The following RSU1 variants were observed in gnomAD, a reference collection of about 807,000 sequenced individuals.
RSU1 encodes rsu-1.
A neutral mutation model predicts 31.1 loss-of-function variants in RSU1; 26 were observed. The observed-to-expected ratio is 0.84, with a 90% CI of 0.61 to 1.16. RSU1 has a LOEUF of 1.16. Among genes scored for constraint, RSU1 ranks in the 50% most tolerant of loss-of-function variants. RSU1 has a pLI of 0.00. For synonymous variants in RSU1, 164 were observed against 136.3 expected (o/e 1.20, Z -1.41); for missense variants, 320 against 339.1 (o/e 0.94, Z 0.44).
In RSU1 at chr10:16,679,434, C is replaced by A. The variant is rs567982742; in HGVS notation, c.731+15589G>T. Among the ~76,000 whole-genome samples the A allele has an allele frequency of 2.6e-5, 4 of 152,206 alleles. No homozygotes were observed. The East Asian group carries it at 7.7e-4, about 29-fold the overall frequency. ...ACACCTGGGAAAGAAGTGATAGCCA[C>A]TGTTATTATTAAAATTACTACTAAT... On this transcript the variant is annotated intron_variant, in intron 8 of 8. Transcript: ENST00000345264.
chr10:16,640,917 C>CT (rs377075353), intron 8 of RSU1, among the ~76,000 whole-genome samples: 115 of 152,288 alleles, frequency 7.6e-4, no homozygotes, highest in African/African-American at 2.1e-3. Context: ...GGCAATGCTG[C>CT]GACTGAAAGA....
intron 8 of RSU1, among the ~76,000 whole-genome samples, chr10:16,675,301 G>A (rs187094577): frequency 1.3e-5 from 2 of 152,104 alleles, no homozygotes; most frequent in Admixed American, 6.5e-5. Context: ...GACTTCAAAA[G>A]GTTTTGTAGT....
intron 8 of RSU1, among the ~76,000 whole-genome samples, chr10:16,642,370 C>T (rs1294052390): frequency 6.6e-6 from 1 of 152,190 alleles, no homozygotes; most frequent in Non-Finnish European, 1.5e-5. Flanking sequence ...CAGGCAGAAA[C>T]TGCACCAATG....
chr10:16,628,403 T>G (rs74128703), intron 8 of RSU1, among the ~76,000 whole-genome samples: 2,673 of 152,308 alleles, frequency 0.018, 74 homozygotes, highest in African/African-American at 0.061. Flanking sequence ...TCGATTTACC[T>G]TCTAATCAAT....
intron 8 of RSU1, among the ~76,000 whole-genome samples, chr10:16,615,829 G>A (rs1833966637): frequency 6.6e-6 from 1 of 152,182 alleles, no homozygotes; most frequent in East Asian, 1.9e-4. Context: ...AAACCAATGA[G>A]AACAAAGAGA....
At chr10:16,608,585 A>G (rs1833842401) in intron 8 of RSU1, among the ~76,000 whole-genome samples, 1 of 152,138 alleles carries the variant, frequency 6.6e-6, no homozygotes, top group Non-Finnish European at 1.5e-5. Context: ...CCACAAACAC[A>G]GCATCTCATT....
intron 8 of RSU1, among the ~76,000 whole-genome samples, chr10:16,646,582 A>G (rs1834574975): frequency 6.6e-6 from 1 of 152,162 alleles, no homozygotes; most frequent in South Asian, 2.1e-4. Flanking sequence ...TCATATATTT[A>G]AAGTGTTTTT....
At chr10:16,619,396 C>T (rs186959909) in intron 8 of RSU1, among the ~76,000 whole-genome samples, 8 of 152,254 alleles carry the variant, frequency 5.3e-5, no homozygotes, top group South Asian at 2.1e-4. Context: ...GTGATGTCAA[C>T]GGGAACAACT....
chr10:16,675,531 G>A (rs1019812936), intron 8 of RSU1, among the ~76,000 whole-genome samples: 18 of 152,162 alleles, frequency 1.2e-4, no homozygotes, highest in African/African-American at 4.3e-4. Context: ...ACACTTGGCA[G>A]CCAATTCCAG....
At chr10:16,768,922 G>A (rs748285676) in intron 3 of RSU1, among the ~76,000 whole-genome samples, 3 of 152,162 alleles carry the variant, frequency 2.0e-5, no homozygotes, top group African/African-American at 7.2e-5. Context: ...GTCCATCTGC[G>A]TGAAATACTG....
intron 7 of RSU1, among the ~76,000 whole-genome samples, chr10:16,740,148 A>G (rs1045278121): frequency 6.6e-6 from 1 of 152,184 alleles, no homozygotes; most frequent in African/African-American, 2.4e-5. Flanking sequence ...CAAAGATACT[A>G]TAATACCAGA....
chr10:16,771,542 A>G (rs562496187), intron 3 of RSU1, among the ~76,000 whole-genome samples: 1 of 152,336 alleles, frequency 6.6e-6, no homozygotes, highest in Middle Eastern at 3.4e-3. Context: ...TAATGATTAT[A>G]CATAAAGAAG....
At chr10:16,761,327 G>C (rs1447466435) in intron 4 of RSU1, among the ~76,000 whole-genome samples, 1 of 152,128 alleles carries the variant, frequency 6.6e-6, no homozygotes, top group Non-Finnish European at 1.5e-5. Context: ...GTTTATAGTT[G>C]GTTTCTCCAA....
In RSU1 at chr10:16,591,672, T is replaced by G; in HGVS notation, c.*1722A>C. ...CTTCATGTTTCTGGGAGGTATTTCG[T>G]TCCTGTGCGTTTCTGGAGTTTTCAT... On this transcript the variant is annotated 3_prime_UTR_variant, in exon 9 of 9. Transcript: ENST00000345264. 6.6e-6 allele frequency: 1 copy of G among 152,336 alleles called. No homozygotes were observed. Among genetic ancestry groups the G allele is most frequent in the African/African-American group, 2.4e-5 (1 of 41,574 alleles). 9.4% of individuals were successfully genotyped at this position (152,336 alleles called of 1,614,324 possible).
At position 16,699,749 on chromosome 10, in the gene RSU1, G is replaced by GCT. The variant is rs1037657349; in HGVS notation, c.599-4596_599-4595dup. On this transcript the variant is annotated intron_variant, in intron 7 of 8. Coordinates refer to ENST00000345264, the MANE Select transcript of RSU1 (RefSeq NM_012425.4). ...TGGCTCCCAGACACAGATTCACTTT[G>GCT]CTCACTCCTCAGTTGGAAGGCGCAG... Among the ~76,000 whole-genome samples the GCT allele has an allele frequency of 3.3e-5, 5 of 152,332 alleles. No individual in the cohort carries two copies. In the South Asian group the frequency reaches 1.0e-3, roughly 32 times the overall value.
intron 2 of RSU1, among the ~76,000 whole-genome samples, chr10:16,797,919 C>T (rs1302728717): frequency 5.3e-5 from 7 of 131,548 alleles, no homozygotes; most frequent in East Asian, 4.6e-4. Context: ...TGGAGTGGAG[C>T]GGGGCAATCT....
intron 2 of RSU1, 124 bp from the exon 3 acceptor site, chr10:16,782,208 A>T: frequency 1.5e-6 from 1 of 684,034 alleles, no homozygotes; most frequent in Non-Finnish European, 2.5e-6. Flanking sequence ...ATCGCTCACC[A>T]AAATAGAAGC....
intron 8 of RSU1, among the ~76,000 whole-genome samples, chr10:16,674,687 G>A (rs1835192157): frequency 6.6e-6 from 1 of 152,086 alleles, no homozygotes; most frequent in South Asian, 2.1e-4. Flanking sequence ...TGCTGAGATG[G>A]CATTTGAACT....
chr10:16,767,024 A>G (rs1225167843), intron 3 of RSU1, among the ~76,000 whole-genome samples: 4 of 122,908 alleles, frequency 3.3e-5, no homozygotes, highest in South Asian at 2.5e-4. Context: ...TCTATGTCCA[A>G]AAAAAAAAAA....
Sources: allele counts gnomAD v4.1 joint callset (sites outside exome capture counted in the v4.1 genomes callset), GRCh38; gene constraint gnomAD v4.1.1; transcripts MANE v1.5; gene names NCBI Gene and HGNC (gene_info 2026-07-23, HGNC 2026-07-21).